MYO16: variants seen among roughly 807,000 people sequenced by gnomAD.
The protein encoded by MYO16 is myosin XVI, also known as unconventional myosin-XVI.
MYO16 carries 94 observed loss-of-function variants against 205.3 expected under a neutral mutation model. The observed-to-expected ratio is 0.46, with a 90% CI of 0.39 to 0.54. The LOEUF is 0.54. MYO16 is among the 20% of genes least tolerant of loss of function. MYO16 has a pLI of 0.00. For missense variants in MYO16, 2,315 were observed against 2,387.5 expected (o/e 0.97, Z 0.63); for synonymous variants, 988 against 954.0 (o/e 1.04, Z -0.66).
At chr13:109,201,294 A>T (rs9521204) in intron 34 of MYO16, among the ~76,000 whole-genome samples, 5,551 of 152,142 alleles carry the variant, frequency 0.036, 151 homozygotes, top group South Asian at 0.07. Flanking sequence ...CTAGAACCTT[A>T]AGACCTCGAA....
At chr13:109,065,631 C>A in intron 27 of MYO16, 1 of 454,328 alleles carries the variant, frequency 2.2e-6, no homozygotes, top group South Asian at 1.7e-5. Context: ...GCCTTTATCA[C>A]CCTGTATGCT....
chr13:108,617,499 G>A (rs1879390522), intron 1 of MYO16, among the ~76,000 whole-genome samples: 1 of 152,098 alleles, frequency 6.6e-6, no homozygotes, highest in South Asian at 2.1e-4. Context: ...CCTCACTATA[G>A]CACTGAACAA....
At chr13:108,583,268 A>G in the MYO16 span, among the ~76,000 whole-genome samples, 3 of 152,312 alleles carry the variant, frequency 2.0e-5, no homozygotes, top group East Asian at 3.9e-4. Context: ...TATAAAAACT[A>G]CTTTTTGGAA....
chr13:108,964,611 C>T lies in MYO16; in HGVS notation c.2228-150C>T, dbSNP rs565354004. ...AGGAAACATTTTGCATAATAACTGACGGAGACCTCATTTATGAGAATCCGT... is the reference window on the plus strand; with the variant it reads ...AGGAAACATTTTGCATAATAACTGATGGAGACCTCATTTATGAGAATCCGT... On this transcript the variant is annotated intron_variant, in intron 19 of 34. Coordinates refer to ENST00000457511, the MANE Select transcript of MYO16 (RefSeq NM_001198950.3). 4.0e-4 allele frequency: 329 copies of T among 820,650 alleles called. 2 individuals carry two copies. In the South Asian group the frequency reaches 4.7e-3, roughly 12 times the overall value. The allele number at this position is 820,650 out of a possible 1,614,324, so 50.8% of individuals were successfully genotyped here.
the MYO16 span, among the ~76,000 whole-genome samples, chr13:108,555,846 G>T: frequency 1.3e-5 from 2 of 152,042 alleles, no homozygotes; most frequent in Admixed American, 1.3e-4. Context: ...AGATCATGTG[G>T]TATTTGTCAT....
In MYO16 at chr13:109,148,682, C is replaced by T. The variant is rs146150298; in HGVS notation, c.5164+7306C>T. On this transcript the variant is annotated intron_variant, in intron 32 of 34. Coordinates refer to ENST00000457511, the MANE Select transcript of MYO16 (RefSeq NM_001198950.3). ...CTTGTTTGGGCAGAGGCTTCATAAGCTTTATCGGATCCTCCCAAAATGTCA... is the reference window on the plus strand; with the variant it reads ...CTTGTTTGGGCAGAGGCTTCATAAGTTTTATCGGATCCTCCCAAAATGTCA... Among the ~76,000 whole-genome samples, 772 of 152,300 alleles carry T rather than the reference C, an allele frequency of 5.1e-3. 12 individuals are homozygous for T. Among genetic ancestry groups the T allele is most frequent in the African/African-American group, 0.017 (726 of 41,546 alleles).
intron 27 of MYO16, among the ~76,000 whole-genome samples, chr13:109,066,051 C>T (rs1359616546): frequency 6.6e-6 from 1 of 152,124 alleles, no homozygotes; most frequent in African/African-American, 2.4e-5. Flanking sequence ...ATTTAGCTTG[C>T]CTAAATGACA....
chr13:109,125,022 TC>T lies in MYO16; in HGVS notation c.3536-89del. The T allele has an allele frequency of 7.3e-7, 1 of 1,376,902 alleles. No homozygotes were observed. Among genetic ancestry groups the T allele is most frequent in the Non-Finnish European group, 1.0e-6 (1 of 998,898 alleles). 85.3% of individuals were successfully genotyped at this position (1,376,902 alleles called of 1,614,324 possible). A position where few individuals can be genotyped will look rare whatever the true frequency, so the allele number is the denominator to read the frequency against. ...TAAATGTACCTTATTCTACAACTGC[TC>T]AGAGATAAGTATATTATGATTTTTG... is the stretch of plus-strand genomic sequence containing the variant. On this transcript the variant is annotated intron_variant, in intron 29 of 34. Transcript: ENST00000457511. The surrounding 1 kb of genome is among the most constrained non-coding windows in gnomAD (Gnocchi z 4.0).
the MYO16 span, among the ~76,000 whole-genome samples, chr13:108,547,877 T>G: frequency 3.9e-5 from 6 of 152,186 alleles, no homozygotes; most frequent in Non-Finnish European, 8.8e-5. Flanking sequence ...ATCATTCTTT[T>G]GAATTTGTCT....
At chr13:108,902,134 T>A (rs1880742394) in intron 15 of MYO16, among the ~76,000 whole-genome samples, 1 of 152,184 alleles carries the variant, frequency 6.6e-6, no homozygotes, top group Non-Finnish European at 1.5e-5. Context: ...ATATTATGCG[T>A]ACTATAAAGA....
chr13:108,638,398 A>C (rs1231185966), intron 1 of MYO16, among the ~76,000 whole-genome samples: 2 of 152,168 alleles, frequency 1.3e-5, no homozygotes, highest in Non-Finnish European at 2.9e-5. Context: ...CTTTACTTCC[A>C]AACTTTTTAA....
intron 32 of MYO16, among the ~76,000 whole-genome samples, chr13:109,153,506 C>G (rs1257286590): frequency 6.6e-6 from 1 of 152,136 alleles, no homozygotes; most frequent in African/African-American, 2.4e-5. Flanking sequence ...GGTGGCTCAT[C>G]TCAACACTTT....
intron 16 of MYO16, among the ~76,000 whole-genome samples, chr13:108,931,056 G>A (rs1195962079): frequency 6.6e-6 from 1 of 152,174 alleles, no homozygotes; most frequent in Non-Finnish European, 1.5e-5. Context: ...TGTCTGAATC[G>A]CTGGGCTCCC....
At chr13:108,919,128 C>T (rs1413641098) in intron 16 of MYO16, among the ~76,000 whole-genome samples, 5 of 152,118 alleles carry the variant, frequency 3.3e-5, no homozygotes, top group South Asian at 2.1e-4. Flanking sequence ...CCTATTTGAG[C>T]GAGGCCGTCT....
intron 9 of MYO16, among the ~76,000 whole-genome samples, chr13:108,828,387 C>T (rs1254498395): frequency 1.3e-5 from 2 of 152,150 alleles, no homozygotes; most frequent in South Asian, 2.1e-4. Flanking sequence ...CAGATCCTGG[C>T]TCTGCCATTT....
At chr13:108,559,762 G>T in the MYO16 span, among the ~76,000 whole-genome samples, 3 of 151,986 alleles carry the variant, frequency 2.0e-5, 1 homozygote, top group Non-Finnish European at 4.4e-5. Context: ...GAGCCACAGC[G>T]CCCGGCCTTG....
intron 29 of MYO16, among the ~76,000 whole-genome samples, chr13:109,123,811 A>G (rs1040872615): frequency 2.6e-5 from 4 of 152,208 alleles, no homozygotes; most frequent in Non-Finnish European, 5.9e-5. Context: ...CAAAGTTAAT[A>G]TCATAGGTAC....
chr13:108,992,406 C>T lies in MYO16; in HGVS notation c.2400C>T (p.Asp800=). Residue 800 remains aspartate (D), a synonymous_variant, in exon 21 of 35, where the codon GAC becomes GAT. Coordinates refer to ENST00000457511, the MANE Select transcript of MYO16 (RefSeq NM_001198950.3). Reference sequence around the variant, plus strand: ...AGACATTGGATATTGGAATATTGGACATTTTTGGTTTTGAAGAGTTTCAAA... The same window carrying T: ...AGACATTGGATATTGGAATATTGGATATTTTTGGTTTTGAAGAGTTTCAAA... The part of the protein sequence containing the change: ...SMQTLDIGIL[D]IFGFEEFQKN... 1.2e-6 allele frequency: 2 copies of T among 1,609,578 alleles called. No individual in the cohort carries two copies. Among genetic ancestry groups the T allele is most frequent in the Non-Finnish European group, 1.7e-6 (2 of 1,176,678 alleles).
chr13:109,099,120 C>T (rs115498550), intron 27 of MYO16, among the ~76,000 whole-genome samples: 94 of 152,270 alleles, frequency 6.2e-4, no homozygotes, highest in African/African-American at 2.1e-3. Context: ...GCTCTCGTCT[C>T]TTTAGCAAAA....
Sources: allele counts gnomAD v4.1 joint callset (sites outside exome capture counted in the v4.1 genomes callset), GRCh38; gene constraint gnomAD v4.1.1; non-coding constraint Gnocchi (gnomAD v3.1); transcripts MANE v1.5; gene names NCBI Gene and HGNC (gene_info 2026-07-23, HGNC 2026-07-21).